Variants in TMEM132C observed in about 807,000 individuals in gnomAD.
TMEM132C encodes the protein protein phosphatase 1, regulatory subunit 152.
In TMEM132C, 29 loss-of-function variants were observed where a neutral mutation model predicts 61.4. The observed-to-expected ratio is 0.47, with a 90% CI of 0.35 to 0.64. The LOEUF is 0.64. TMEM132C is among the 30% of genes least tolerant of loss of function. The pLI is 0.00. For missense variants in TMEM132C, 1,408 were observed against 1,476.9 expected (o/e 0.95, Z 0.76); for synonymous variants, 656 against 633.1 (o/e 1.04, Z -0.54).
At position 128,278,657 on chromosome 12, in the gene TMEM132C, G is replaced by C. The variant is rs1027243626; in HGVS notation, c.85+11170G>C. Among the ~76,000 whole-genome samples the C allele has an allele frequency of 2.6e-5, 4 of 152,076 alleles. No homozygotes were observed. Among genetic ancestry groups the C allele is most frequent in the Non-Finnish European group, 5.9e-5 (4 of 68,016 alleles). On this transcript the variant is annotated intron_variant, in intron 1 of 8. Transcript: ENST00000435159. This position sits in a 1 kb window ranked among gnomAD's most constrained non-coding sequence, Gnocchi z 4.2. ...AAACATCAGCTTTTTACTAAACCCC[G>C]GTGGTCAGGGTGTCCATGATGACTA... is the stretch of plus-strand genomic sequence containing the variant.
chr12:128,415,306 G>A lies in TMEM132C; in HGVS notation c.660G>A (p.Gln220=). Residue 220 remains glutamine (Q), a synonymous_variant, in exon 2 of 9, where the codon CAG becomes CAA. Transcript: ENST00000435159. The surrounding 1 kb of genome is among the most constrained non-coding windows in gnomAD (Gnocchi z 5.8). ...VGAGRKKSMD[Q]PEGTPVELYY... is the part of the protein sequence containing the mutation. ...CCGGGAGGAAGAAGTCCATGGACCA[G>A]CCGGAGGGGACCCCTGTGGAGCTCT... is the stretch of plus-strand genomic sequence containing the variant. The A allele has an allele frequency of 6.3e-7, 1 of 1,594,532 alleles. No individual in the cohort carries two copies.
At chr12:128,330,032 CT>C (rs1031102370) in intron 1 of TMEM132C, among the ~76,000 whole-genome samples, 29 of 152,042 alleles carry the variant, frequency 1.9e-4, no homozygotes, top group African/African-American at 6.3e-4. Flanking sequence ...AGGCGAGGGC[CT>C]TTTTCATTCT....
chr12:128,269,088 C>G (rs116019516), intron 1 of TMEM132C, among the ~76,000 whole-genome samples: 4,306 of 152,112 alleles, frequency 0.028, 177 homozygotes, highest in African/African-American at 0.088. Context: ...TAGGTTCCAG[C>G]GTTTCTAGGA....
chr12:128,498,706 A>G (rs1456078713), intron 2 of TMEM132C, among the ~76,000 whole-genome samples: 1 of 152,176 alleles, frequency 6.6e-6, no homozygotes, highest in Admixed American at 6.5e-5. Flanking sequence ...AGAAACAAGC[A>G]TTGCATTTCT....
chr12:128,523,719 G>T (rs1156671608), intron 2 of TMEM132C, among the ~76,000 whole-genome samples: 4 of 150,928 alleles, frequency 2.7e-5, no homozygotes, highest in Non-Finnish European at 4.4e-5. Flanking sequence ...CTCTGATTGA[G>T]CCTGGCATGA....
At chr12:128,663,389 A>T (rs1388025664) in intron 4 of TMEM132C, among the ~76,000 whole-genome samples, 1 of 152,176 alleles carries the variant, frequency 6.6e-6, no homozygotes, top group African/African-American at 2.4e-5. Flanking sequence ...CATGTTCATG[A>T]TCCATCCATG....
At chr12:128,466,419 A>C (rs1295100073) in intron 2 of TMEM132C, among the ~76,000 whole-genome samples, 1 of 152,236 alleles carries the variant, frequency 6.6e-6, no homozygotes, top group African/African-American at 2.4e-5. Context: ...TCATTTGAAA[A>C]TTCAACTTTC....
chr12:128,345,400 A>G (rs1231194653), intron 1 of TMEM132C, among the ~76,000 whole-genome samples: 1 of 152,188 alleles, frequency 6.6e-6, no homozygotes, highest in African/African-American at 2.4e-5. Flanking sequence ...AGAATGATTT[A>G]TATTCCTTTG....
intron 1 of TMEM132C, among the ~76,000 whole-genome samples, chr12:128,343,593 A>G: frequency 6.6e-6 from 1 of 152,164 alleles, no homozygotes. Context: ...TTTCTTTAAT[A>G]AGTTTTATTG....
At chr12:128,374,421 A>G (rs928995343) in intron 1 of TMEM132C, among the ~76,000 whole-genome samples, 5 of 152,086 alleles carry the variant, frequency 3.3e-5, no homozygotes, top group African/African-American at 1.2e-4. Flanking sequence ...GTGCCCCTGG[A>G]GTGACTACAA....
At chr12:128,607,221 G>A (rs78701729) in intron 3 of TMEM132C, among the ~76,000 whole-genome samples, 1 of 152,202 alleles carries the variant, frequency 6.6e-6, no homozygotes, top group African/African-American at 2.4e-5. Flanking sequence ...TGTTCCTGGA[G>A]TGTTTGAAAG....
chr12:128,291,192 A>C (rs1000703293), intron 1 of TMEM132C, among the ~76,000 whole-genome samples: 1 of 152,234 alleles, frequency 6.6e-6, no homozygotes, highest in Non-Finnish European at 1.5e-5. Context: ...TTCCCCTGCA[A>C]GTACATCCAA....
At chr12:128,397,278 C>T (rs1874994445) in intron 1 of TMEM132C, among the ~76,000 whole-genome samples, 1 of 152,224 alleles carries the variant, frequency 6.6e-6, no homozygotes, top group Non-Finnish European at 1.5e-5. Context: ...GGCTTTGGTC[C>T]CACAGAGGGG....
chr12:128,589,469 G>A (rs1875672529), intron 3 of TMEM132C, among the ~76,000 whole-genome samples: 1 of 151,956 alleles, frequency 6.6e-6, no homozygotes, highest in South Asian at 2.1e-4. Flanking sequence ...TCATCTTCCA[G>A]GTTTTAGTAT....
At chr12:128,471,423 C>T (rs894214464) in intron 2 of TMEM132C, among the ~76,000 whole-genome samples, 4 of 152,194 alleles carry the variant, frequency 2.6e-5, no homozygotes, top group African/African-American at 9.7e-5. Context: ...CCCACGACCT[C>T]CATGACCTGA....
chr12:128,342,545 T>C (rs1280633619), intron 1 of TMEM132C, among the ~76,000 whole-genome samples: 1 of 151,030 alleles, frequency 6.6e-6, no homozygotes, highest in Admixed American at 6.6e-5. Context: ...CACTCATCAC[T>C]CTCACAGTTT....
chr12:128,527,316 T>C (rs1014586570), intron 2 of TMEM132C, among the ~76,000 whole-genome samples: 1 of 152,204 alleles, frequency 6.6e-6, no homozygotes, highest in African/African-American at 2.4e-5. Flanking sequence ...TATTATCTCA[T>C]GCGTAGCTGT....
At chr12:128,591,414 G>T (rs140989340) in intron 3 of TMEM132C, among the ~76,000 whole-genome samples, 248 of 152,152 alleles carry the variant, frequency 1.6e-3, no homozygotes, top group African/African-American at 5.8e-3. Flanking sequence ...TGGTCTGAGG[G>T]GTCGTCCATG....
intron 3 of TMEM132C, among the ~76,000 whole-genome samples, chr12:128,578,752 C>T (rs900827133): frequency 2.0e-5 from 3 of 151,996 alleles, no homozygotes; most frequent in African/African-American, 4.8e-5. Flanking sequence ...TACCTGCCAC[C>T]GCACCCTGCT....
Sources: allele counts gnomAD v4.1 joint callset (sites outside exome capture counted in the v4.1 genomes callset), GRCh38; gene constraint gnomAD v4.1.1; non-coding constraint Gnocchi (gnomAD v3.1); transcripts MANE v1.5; gene names NCBI Gene and HGNC (gene_info 2026-07-23, HGNC 2026-07-21).